The following PRKN variants were observed in gnomAD, a reference collection of about 807,000 sequenced individuals.
PRKN encodes the protein E3 ubiquitin-protein ligase parkin.
In PRKN, 56 loss-of-function variants were observed where a neutral mutation model predicts 59.5. That is an observed-to-expected ratio of 0.94 (90% CI 0.76 to 1.18). The LOEUF is 1.18. PRKN is among the 50% of genes most tolerant of loss of function. PRKN has a pLI of 0.00. For missense variants in PRKN, 657 were observed against 596.4 expected (o/e 1.10, Z -1.06); for synonymous variants, 250 against 222.1 (o/e 1.13, Z -1.12).
chr6:161,667,666 A>C (rs541108416), intron 7 of PRKN, among the ~76,000 whole-genome samples: 4 of 152,296 alleles, frequency 2.6e-5, no homozygotes, highest in Non-Finnish European at 5.9e-5. Context: ...CATAATCAAT[A>C]ACTATGTGTT....
chr6:161,477,763 T>C (rs928059250), intron 9 of PRKN, among the ~76,000 whole-genome samples: 1 of 152,168 alleles, frequency 6.6e-6, no homozygotes, highest in Admixed American at 6.5e-5. Flanking sequence ...TGCATAAGCA[T>C]TACAAATGTA....
At chr6:162,123,768 TG>T (rs1781014504) in intron 4 of PRKN, among the ~76,000 whole-genome samples, 1 of 152,186 alleles carries the variant, frequency 6.6e-6, no homozygotes, top group South Asian at 2.1e-4. Context: ...TGAAAAGATA[TG>T]GTCAGTGTGG....
chr6:162,355,445 G>C (rs143499889), intron 2 of PRKN, among the ~76,000 whole-genome samples: 1 of 149,616 alleles, frequency 6.7e-6, no homozygotes, highest in South Asian at 2.1e-4. Flanking sequence ...ATTTTGTGTA[G>C]ATATATATAC....
intron 2 of PRKN, among the ~76,000 whole-genome samples, chr6:162,276,070 T>C (rs1780623931): frequency 6.6e-6 from 1 of 152,196 alleles, no homozygotes; most frequent in African/African-American, 2.4e-5. Context: ...TACTCATTGC[T>C]AGTGGATTCA....
At chr6:162,390,870 A>G (rs10945826) in intron 2 of PRKN, among the ~76,000 whole-genome samples, 29,558 of 152,192 alleles carry the variant, frequency 0.19, 3,248 homozygotes, top group Non-Finnish European at 0.23. Context: ...ATAAATCTAT[A>G]AAAACAGAAG....
chr6:162,199,011 AG>A (rs1784612128), intron 4 of PRKN, among the ~76,000 whole-genome samples: 1 of 152,226 alleles, frequency 6.6e-6, no homozygotes, highest in Non-Finnish European at 1.5e-5. Context: ...TTGATTAAAA[AG>A]AAAACAATAC....
chr6:161,874,077 A>G (rs1197469409), intron 6 of PRKN, among the ~76,000 whole-genome samples: 1 of 48,106 alleles, frequency 2.1e-5, no homozygotes, highest in African/African-American at 5.6e-5. Context: ...TATATATTAT[A>G]TGTAAAATAT....
At chr6:161,761,444 C>T (rs1490379691) in intron 7 of PRKN, among the ~76,000 whole-genome samples, 1 of 152,132 alleles carries the variant, frequency 6.6e-6, no homozygotes, top group Non-Finnish European at 1.5e-5. Flanking sequence ...GTTGCAAATG[C>T]TCACATGACA....
Position 162,457,023 on chromosome 6 carries a change from C to T in PRKN, c.8-13550G>A, listed in dbSNP as rs145389936. Among the ~76,000 whole-genome samples the T allele has an allele frequency of 3.6e-3, 547 of 152,202 alleles. 2 individuals carry two copies. Among genetic ancestry groups the T allele is most frequent in the Middle Eastern group, 0.014 (4 of 294 alleles). On this transcript the variant is annotated intron_variant, in intron 1 of 11. Coordinates refer to ENST00000366898, the MANE Select transcript of PRKN (RefSeq NM_004562.3). ...TCAAAGAGGGCATTTGTTTGCAGTA[C>T]GAAAGTTGAAACAAGAAAGCAGAAC...
chr6:162,168,912 C>A (rs1387029164), intron 4 of PRKN, among the ~76,000 whole-genome samples: 2 of 151,966 alleles, frequency 1.3e-5, no homozygotes. Flanking sequence ...TAAAAATGAA[C>A]AAAATTTAAA....
Position 161,393,380 on chromosome 6 carries a change from A to G in PRKN, c.1084-6503T>C, listed in dbSNP as rs941237106. The stretch of plus-strand genomic sequence containing the variant: ...CACTTGTAAACTACTCATAAGACAT[A>G]AGACTGCTGTCTAGAAAGGGATGAG... On this transcript the variant is annotated intron_variant, in intron 9 of 11. Coordinates refer to ENST00000366898, the MANE Select transcript of PRKN (RefSeq NM_004562.3). The surrounding 1 kb of genome is among the most constrained non-coding windows in gnomAD (Gnocchi z 4.7). Among the ~76,000 whole-genome samples the G allele has an allele frequency of 7.2e-5, 11 of 152,126 alleles. No individual in the cohort carries two copies. The highest frequency in any genetic ancestry group is 1.3e-4 in the Non-Finnish European group (9 of 68,034).
intron 2 of PRKN, among the ~76,000 whole-genome samples, chr6:162,422,570 T>C (rs1014146494): frequency 2.6e-5 from 4 of 152,212 alleles, no homozygotes; most frequent in African/African-American, 9.6e-5. Context: ...GTCACAGAGT[T>C]CTTTACGAGT....
chr6:162,555,242 A>G (rs1350125100), intron 1 of PRKN, among the ~76,000 whole-genome samples: 1 of 152,240 alleles, frequency 6.6e-6, no homozygotes, highest in Non-Finnish European at 1.5e-5. Flanking sequence ...ATAGATGTTA[A>G]CAATCATGAT....
At chr6:161,706,482 G>T (rs17596816) in intron 7 of PRKN, among the ~76,000 whole-genome samples, 55,389 of 152,086 alleles carry the variant, frequency 0.36, 10,184 homozygotes, top group Middle Eastern at 0.46. Flanking sequence ...ACAGCAGCAA[G>T]GGTGCCTTAC....
At chr6:162,560,650 C>T (rs753424179) in intron 1 of PRKN, among the ~76,000 whole-genome samples, 2 of 151,924 alleles carry the variant, frequency 1.3e-5, no homozygotes, top group African/African-American at 4.8e-5. Flanking sequence ...AAATGCACTA[C>T]CCTAATCATG....
intron 7 of PRKN, among the ~76,000 whole-genome samples, chr6:161,755,478 T>C (rs552550096): frequency 9.6e-4 from 146 of 152,212 alleles, no homozygotes; most frequent in South Asian, 2.1e-3. Context: ...TATATATTCC[T>C]ATTATGTGAA....
At chr6:162,320,268 C>T (rs1369098880) in intron 2 of PRKN, among the ~76,000 whole-genome samples, 1 of 144,696 alleles carries the variant, frequency 6.9e-6, no homozygotes, top group Non-Finnish European at 1.5e-5. Flanking sequence ...CTGCAATAAA[C>T]ACAAAGTGCA....
chr6:162,091,112 CT>C (rs10554768), intron 4 of PRKN, among the ~76,000 whole-genome samples: 24,167 of 148,138 alleles, frequency 0.16, 2,263 homozygotes, highest in African/African-American at 0.27. Flanking sequence ...TCTTGCTATC[CT>C]TTTTTTTTTT....
intron 1 of PRKN, among the ~76,000 whole-genome samples, chr6:162,657,584 C>T (rs1583994662): frequency 6.6e-6 from 1 of 152,298 alleles, no homozygotes; most frequent in East Asian, 1.9e-4. Flanking sequence ...AAGTAGCACC[C>T]TGGCATCCAA....
Sources: gnomAD v4.1 joint callset for allele counts (sites outside exome capture counted in the v4.1 genomes callset) on GRCh38, gnomAD v4.1.1 for gene constraint, Gnocchi (gnomAD v3.1) non-coding constraint, MANE v1.5 for transcripts, NCBI Gene and HGNC (gene_info 2026-07-23, HGNC 2026-07-21) for gene names.